ARHGAP15: variants seen among roughly 807,000 people sequenced by gnomAD.
The protein encoded by ARHGAP15 is rho GTPase-activating protein 15.
In ARHGAP15, 51 loss-of-function variants were observed where a neutral mutation model predicts 63.7. The ratio of observed to expected loss-of-function variants is 0.80; its 90% CI spans 0.64 to 1.01. ARHGAP15 has a LOEUF of 1.01. Among genes scored for constraint, ARHGAP15 ranks in the 50% least tolerant of loss-of-function variants. ARHGAP15 has a pLI of 0.00. For synonymous variants in ARHGAP15, 191 were observed against 193.8 expected, an observed-to-expected ratio of 0.99 and a Z score of 0.12; for missense variants, 560 against 564.6, an observed-to-expected ratio of 0.99 and a Z score of 0.08.
At chr2:143,189,327 C>T (rs890760563) in intron 2 of ARHGAP15, among the ~76,000 whole-genome samples, 2 of 152,046 alleles carry the variant, frequency 1.3e-5, no homozygotes, top group Non-Finnish European at 2.9e-5. Flanking sequence ...ATTTATTGTA[C>T]AGGGCACTTG....
intron 6 of ARHGAP15, among the ~76,000 whole-genome samples, chr2:143,381,424 A>G (rs1687047990): frequency 1.3e-5 from 2 of 151,672 alleles, no homozygotes; most frequent in Non-Finnish European, 2.9e-5. Flanking sequence ...ACTGATTCTT[A>G]TGCCCCTTGA....
At chr2:143,757,555 G>A (rs1574933527) in intron 13 of ARHGAP15, among the ~76,000 whole-genome samples, 2 of 151,756 alleles carry the variant, frequency 1.3e-5, no homozygotes, top group East Asian at 3.9e-4. Flanking sequence ...CATACATAGA[G>A]ATTATCAGCA....
intron 2 of ARHGAP15, among the ~76,000 whole-genome samples, chr2:143,182,269 A>C (rs780157393): frequency 6.6e-6 from 1 of 152,142 alleles, no homozygotes; most frequent in East Asian, 1.9e-4. Context: ...CTTTTCACTT[A>C]AGCACTTACA....
chr2:143,702,471 G>A (rs917162622), intron 12 of ARHGAP15, among the ~76,000 whole-genome samples: 5 of 152,026 alleles, frequency 3.3e-5, no homozygotes, highest in Non-Finnish European at 4.4e-5. Context: ...AGGGAAAAAG[G>A]ATAACATGGA....
intron 6 of ARHGAP15, among the ~76,000 whole-genome samples, chr2:143,263,454 T>C (rs1240170850): frequency 6.6e-6 from 1 of 152,118 alleles, no homozygotes; most frequent in Non-Finnish European, 1.5e-5. Flanking sequence ...TGCTGGAAGA[T>C]CATGTAATCA....
At chr2:143,231,169 C>T (rs1489683983) in intron 5 of ARHGAP15, among the ~76,000 whole-genome samples, 1 of 149,242 alleles carries the variant, frequency 6.7e-6, no homozygotes, top group African/African-American at 2.5e-5. Flanking sequence ...TGATACCTGC[C>T]AACAGAATTA....
intron 8 of ARHGAP15, among the ~76,000 whole-genome samples, chr2:143,469,973 C>T (rs919257395): frequency 8.6e-5 from 13 of 151,678 alleles, no homozygotes; most frequent in Non-Finnish European, 1.5e-4. Context: ...TTTTCTCTCT[C>T]TCTCTCTCCA....
chr2:143,748,089 G>A (rs1574923303), intron 13 of ARHGAP15, among the ~76,000 whole-genome samples: 1 of 152,312 alleles, frequency 6.6e-6, no homozygotes, highest in East Asian at 1.9e-4. Context: ...ATTAAGTTGT[G>A]AATTTTCAAA....
At chr2:143,221,855 G>C (rs944365654) in intron 4 of ARHGAP15, among the ~76,000 whole-genome samples, 1 of 152,174 alleles carries the variant, frequency 6.6e-6, no homozygotes, top group Non-Finnish European at 1.5e-5. Context: ...TTGTGCAGTG[G>C]TTACGTCTAC....
rs550772937 is a variant in ARHGAP15 at position 143,384,049 on chromosome 2, C to T, written c.475-51552C>T. On this transcript the variant is annotated intron_variant, in intron 6 of 13. Transcript: ENST00000295095. ...AAGAGAAAAGTCATCATTAGGCTCCCGAGGGTAATTCAACCTTGCAGATGA... is the reference window on the plus strand; with the variant it reads ...AAGAGAAAAGTCATCATTAGGCTCCTGAGGGTAATTCAACCTTGCAGATGA... 7.2e-5 allele frequency among the ~76,000 whole-genome samples: 11 copies of T among 152,134 alleles called. No homozygotes were observed. In the South Asian group the frequency reaches 8.3e-4, roughly 11 times the overall value.
At chr2:143,429,502 G>A (rs1689290959) in intron 6 of ARHGAP15, among the ~76,000 whole-genome samples, 1 of 151,994 alleles carries the variant, frequency 6.6e-6, no homozygotes, top group African/African-American at 2.4e-5. Context: ...ACCCGACATT[G>A]TTTACTTTCC....
At chr2:143,272,525 C>T (rs188807406) in intron 6 of ARHGAP15, among the ~76,000 whole-genome samples, 32 of 152,058 alleles carry the variant, frequency 2.1e-4, no homozygotes, top group East Asian at 1.7e-3. Flanking sequence ...TAGTGGTGGG[C>T]GCCTGTAATC....
At position 143,228,660 on chromosome 2, in the gene ARHGAP15, T is replaced by A; in HGVS notation, c.376T>A (p.Ser126Thr). The change falls in exon 5 of 14, where the codon TCC becomes ACC. Residue 126 changes from serine to threonine, a missense_variant. Coordinates refer to ENST00000295095, the MANE Select transcript of ARHGAP15 (RefSeq NM_018460.4). Reference protein sequence around the residue: ...FYKESKQQALSNMKTGHKPES... With the variant: ...FYKESKQQALTNMKTGHKPES... The stretch of plus-strand genomic sequence containing the variant: ...CAAAGAATCCAAGCAACAGGCTCTG[T>A]CCAATATGGTAAGTAATTCTCTGTT... 6.4e-7 allele frequency: 1 copy of A among 1,572,926 alleles called. No individual in the cohort carries two copies. The highest frequency in any genetic ancestry group is 1.7e-4 in the Middle Eastern group (1 of 5,914).
intron 8 of ARHGAP15, among the ~76,000 whole-genome samples, chr2:143,451,737 G>A (rs974557382): frequency 1.3e-5 from 2 of 151,880 alleles, no homozygotes; most frequent in Admixed American, 6.6e-5. Flanking sequence ...AACTGAAAAT[G>A]ACCATAAACT....
intron 12 of ARHGAP15, chr2:143,676,699 A>C (rs1244312395): frequency 6.6e-6 from 1 of 152,236 alleles, no homozygotes; most frequent in African/African-American, 2.4e-5. Flanking sequence ...CAATTACAAC[A>C]GTAACATCCA....
chr2:143,188,613 CATTATTATT>C (rs143767405), intron 2 of ARHGAP15, among the ~76,000 whole-genome samples: 3,293 of 140,796 alleles, frequency 0.023, 130 homozygotes, highest in African/African-American at 0.078. Flanking sequence ...ATTATTTTGT[CATTATTATT>C]ATTATTATTA....
At chr2:143,548,515 G>GA (rs899554657) in intron 10 of ARHGAP15, among the ~76,000 whole-genome samples, 179 of 141,846 alleles carry the variant, frequency 1.3e-3, no homozygotes, top group Admixed American at 3.3e-3. Flanking sequence ...TCTTAGAAAC[G>GA]AAAAAAAAAA....
chr2:143,267,206 G>C (rs1574182090), intron 6 of ARHGAP15, among the ~76,000 whole-genome samples: 1 of 152,142 alleles, frequency 6.6e-6, no homozygotes, highest in African/African-American at 2.4e-5. Flanking sequence ...CAGATCACCT[G>C]CTCAATCTAA....
At chr2:143,587,759 T>A (rs772494123) in intron 11 of ARHGAP15, 8 of 470,404 alleles carry the variant, frequency 1.7e-5, no homozygotes, top group Non-Finnish European at 3.1e-5. Flanking sequence ...GCTGCAGATT[T>A]TTCACAGTGG....
Sources: allele counts gnomAD v4.1 joint callset (sites outside exome capture counted in the v4.1 genomes callset), GRCh38; gene constraint gnomAD v4.1.1; transcripts MANE v1.5; gene names NCBI Gene and HGNC (gene_info 2026-07-23, HGNC 2026-07-21).